Variants in TAF4B observed in about 807,000 individuals in gnomAD.
TAF4B encodes transcription initiation factor TFIID subunit 4B.
Under a neutral mutation model 86.4 loss-of-function variants are expected in TAF4B, and 38 were observed. The ratio of observed to expected loss-of-function variants is 0.44; its 90% CI spans 0.34 to 0.58. The LOEUF (loss-of-function observed/expected upper bound fraction) is 0.58. Among genes scored for constraint, TAF4B ranks in the 20% least tolerant of loss-of-function variants. TAF4B has a pLI of 0.02. For missense variants in TAF4B, 988 were observed against 1,027.6 expected, an observed-to-expected ratio of 0.96 and a Z score of 0.53; for synonymous variants, 388 against 391.2, an observed-to-expected ratio of 0.99 and a Z score of 0.10.
intron 11 of TAF4B, 74 bp from the exon 12 acceptor site, chr18:26,326,941 G>T: frequency 2.0e-6 from 3 of 1,501,360 alleles, no homozygotes; most frequent in Non-Finnish European, 2.7e-6. Flanking sequence ...CCTTTAGCAG[G>T]TTTATACAAT....
chr18:26,283,833 C>T (rs915374612), intron 6 of TAF4B, among the ~76,000 whole-genome samples: 3 of 152,112 alleles, frequency 2.0e-5, no homozygotes, highest in African/African-American at 7.2e-5. Context: ...GGCAGATCAC[C>T]TGGGGTCAGG....
chr18:26,360,368 C>T (rs2057320166), intron 14 of TAF4B, among the ~76,000 whole-genome samples: 1 of 152,016 alleles, frequency 6.6e-6, no homozygotes, highest in Non-Finnish European at 1.5e-5. Context: ...TTCTTTTTCC[C>T]ATGGAGTTAC....
chr18:26,232,275 A>T (rs2055683730), intron 1 of TAF4B, among the ~76,000 whole-genome samples: 2 of 151,966 alleles, frequency 1.3e-5, no homozygotes, highest in African/African-American at 4.8e-5. Flanking sequence ...TTGGGTGATG[A>T]CCGCTCTAGT....
At chr18:26,306,645 T>C (rs944715826) in intron 9 of TAF4B, among the ~76,000 whole-genome samples, 3 of 152,204 alleles carry the variant, frequency 2.0e-5, no homozygotes, top group African/African-American at 4.8e-5. Context: ...AGGTGCACTT[T>C]TCATTTTTGT....
At chr18:26,235,935 C>G (rs953268409) in intron 1 of TAF4B, among the ~76,000 whole-genome samples, 1 of 152,196 alleles carries the variant, frequency 6.6e-6, no homozygotes, top group Non-Finnish European at 1.5e-5. Flanking sequence ...CATTTTCTTA[C>G]TAAGCCTTGA....
At chr18:26,364,638 T>G (rs1191315870) in intron 14 of TAF4B, among the ~76,000 whole-genome samples, 2 of 149,438 alleles carry the variant, frequency 1.3e-5, no homozygotes, top group Non-Finnish European at 3.0e-5. Flanking sequence ...TCCAGCAACG[T>G]TTTTTTTTAG....
chr18:26,297,952 T>C (rs1017940946), intron 9 of TAF4B, among the ~76,000 whole-genome samples: 3 of 151,750 alleles, frequency 2.0e-5, no homozygotes, highest in Non-Finnish European at 4.4e-5. Context: ...ATTTTTCCAT[T>C]TCCACCAACA....
rs189126079 is a variant in TAF4B at position 26,244,304 on chromosome 18, G to A, written c.343+17028G>A. Among the ~76,000 whole-genome samples the A allele has an allele frequency of 9.7e-3, 1,474 of 152,330 alleles. 13 individuals are homozygous for A. The highest frequency in any genetic ancestry group is 0.033 in the African/African-American group (1,367 of 41,576). ...ACCCCTCTCCCCCAGCCTCACTGCC[G>A]CCTTGCAGTTTGATCTCAGACTGCT... On this transcript the variant is annotated intron_variant, in intron 1 of 14. Transcript: ENST00000269142.
chr18:26,249,902 TGATAGA>T (rs1248565188), intron 1 of TAF4B, among the ~76,000 whole-genome samples: 3 of 152,132 alleles, frequency 2.0e-5, no homozygotes, highest in Admixed American at 1.3e-4. Flanking sequence ...TTTGAATTTT[TGATAGA>T]GATAGGGTTT....
intron 1 of TAF4B, among the ~76,000 whole-genome samples, chr18:26,241,036 T>A (rs534217921): frequency 1.3e-5 from 2 of 152,222 alleles, no homozygotes; most frequent in Non-Finnish European, 2.9e-5. Context: ...GGTATTGGTC[T>A]AAAATTCTCT....
chr18:26,307,269 TC>T (rs2056804807), intron 9 of TAF4B, among the ~76,000 whole-genome samples: 1 of 142,036 alleles, frequency 7.0e-6, no homozygotes, highest in South Asian at 2.1e-4. Context: ...CTTACACTTT[TC>T]GGGGGGATTC....
At position 26,285,222 on chromosome 18, in the gene TAF4B, G is replaced by GTTTTTTTTTTTTTTTTTTTTTT. The variant is rs776976703; in HGVS notation, c.973-646_973-645insTTTTTTTTTTTTTTTTTTTTTT. On this transcript the variant is annotated intron_variant, in intron 6 of 14. Coordinates refer to ENST00000269142, the MANE Select transcript of TAF4B (RefSeq NM_005640.3). ...ATTTCTTCCTTTCCTTTTTTTTTTT[G>GTTTTTTTTTTTTTTTTTTTTTT]TTTTTTTTTTTTTTGGAGATGGGGT... Among the ~76,000 whole-genome samples the GTTTTTTTTTTTTTTTTTTTTTT allele has an allele frequency of 5.3e-4, 24 of 45,686 alleles. 1 individual carries two copies. The highest frequency in any genetic ancestry group is 1.4e-3 in the African/African-American group (23 of 15,982). 30.0% of individuals were successfully genotyped at this position (45,686 alleles called of 152,430 possible).
chr18:26,342,993 T>C (rs2057148003), intron 13 of TAF4B, among the ~76,000 whole-genome samples: 1 of 152,204 alleles, frequency 6.6e-6, no homozygotes, highest in Non-Finnish European at 1.5e-5. Context: ...TAAAAACACT[T>C]CATATTTTCT....
At chr18:26,362,814 G>T (rs1320707001) in intron 14 of TAF4B, among the ~76,000 whole-genome samples, 2 of 152,040 alleles carry the variant, frequency 1.3e-5, no homozygotes, top group Non-Finnish European at 2.9e-5. Context: ...TGGATCTGTG[G>T]GTTCTGTCCA....
At chr18:26,267,954 A>G (rs190409094) in intron 3 of TAF4B, among the ~76,000 whole-genome samples, 4 of 152,302 alleles carry the variant, frequency 2.6e-5, no homozygotes, top group East Asian at 1.9e-4. Context: ...GAGAGTAGAT[A>G]AGGGTTTAAA....
intron 5 of TAF4B, among the ~76,000 whole-genome samples, chr18:26,276,803 T>C (rs550189500): frequency 1.3e-5 from 2 of 152,310 alleles, no homozygotes; most frequent in East Asian, 3.9e-4. Flanking sequence ...TGGAATACTC[T>C]AGATGAAGAG....
At chr18:26,253,693 ATC>A (rs2056038531) in intron 1 of TAF4B, among the ~76,000 whole-genome samples, 1 of 152,176 alleles carries the variant, frequency 6.6e-6, no homozygotes, top group African/African-American at 2.4e-5. Context: ...CAGTGAAGTC[ATC>A]TGGACCTGCG....
intron 9 of TAF4B, among the ~76,000 whole-genome samples, chr18:26,306,746 A>G (rs1265852693): frequency 6.6e-6 from 1 of 151,954 alleles, no homozygotes. Context: ...GCTTCCCTGG[A>G]TACTTACATC....
chr18:26,236,846 T>C (rs984204002), intron 1 of TAF4B, among the ~76,000 whole-genome samples: 3 of 152,192 alleles, frequency 2.0e-5, no homozygotes, highest in Non-Finnish European at 2.9e-5. Flanking sequence ...GGGCTCACTT[T>C]TAGAGCTTTC....
Sources: allele counts gnomAD v4.1 joint callset (sites outside exome capture counted in the v4.1 genomes callset), GRCh38; gene constraint gnomAD v4.1.1; transcripts MANE v1.5; gene names NCBI Gene and HGNC (gene_info 2026-07-23, HGNC 2026-07-21).